The following UQCRH variants were observed in gnomAD, a reference collection of about 807,000 sequenced individuals.
UQCRH encodes the protein ubiquinol-cytochrome c reductase hinge protein, also known as cytochrome b-c1 complex subunit 6, mitochondrial.
Under a neutral mutation model 16.3 loss-of-function variants are expected in UQCRH, and 14 were observed. The ratio of observed to expected loss-of-function variants is 0.86; its 90% CI spans 0.57 to 1.34. The LOEUF (loss-of-function observed/expected upper bound fraction) is 1.34. Among genes scored for constraint, UQCRH ranks in the 40% most tolerant of loss-of-function variants. UQCRH has a pLI of 0.00. For missense variants in UQCRH, 89 were observed against 111.9 expected (o/e 0.80, Z 0.92); for synonymous variants, 41 against 41.9 (o/e 0.98, Z 0.08).
intron 1 of UQCRH, among the ~76,000 whole-genome samples, chr1:46,304,131 C>T (rs540724549): frequency 6.6e-6 from 1 of 152,256 alleles, no homozygotes; most frequent in East Asian, 1.9e-4. Context: ...GTTCTGAAGC[C>T]CGCGTTTCAC....
At chr1:46,312,913 GC>G (rs1391474222) in intron 3 of UQCRH, among the ~76,000 whole-genome samples, 1 of 151,984 alleles carries the variant, frequency 6.6e-6, no homozygotes, top group East Asian at 1.9e-4. Flanking sequence ...TATACCAACT[GC>G]CCACTAGGAT....
chr1:46,311,770 G>T (rs1197508807), intron 3 of UQCRH, among the ~76,000 whole-genome samples: 1 of 147,542 alleles, frequency 6.8e-6, no homozygotes, highest in Admixed American at 6.8e-5. Context: ...TGGTTTTTTT[G>T]TTTTTTTTTG....
At chr1:46,315,006 T>A (rs1229747799) in intron 3 of UQCRH, among the ~76,000 whole-genome samples, 2 of 152,108 alleles carry the variant, frequency 1.3e-5, no homozygotes, top group Non-Finnish European at 2.9e-5. Flanking sequence ...AAATGTACAG[T>A]TAAAAATGAT....
At chr1:46,308,261 A>G (rs1661409728) in intron 1 of UQCRH, among the ~76,000 whole-genome samples, 1 of 152,138 alleles carries the variant, frequency 6.6e-6, no homozygotes, top group Non-Finnish European at 1.5e-5. Context: ...ATTTCCTGAA[A>G]GAGAGGGATA....
chr1:46,304,417 G>A (rs1661322856), intron 1 of UQCRH, among the ~76,000 whole-genome samples: 1 of 147,514 alleles, frequency 6.8e-6, no homozygotes, highest in Non-Finnish European at 1.5e-5. Context: ...ATGGAATCTC[G>A]CTCTGTCGCC....
At position 46,310,034 on chromosome 1, in the gene UQCRH, C is replaced by T. The variant is rs972711195; in HGVS notation, c.82-121C>T. On this transcript the variant is annotated intron_variant, in intron 2 of 3. Coordinates refer to ENST00000311672, the MANE Select transcript of UQCRH (RefSeq NM_006004.4). ...GCGGCAGTGTGGCTCTGCCAGCTGG[C>T]CTTCTGCACGGTAATTCAGAGGCAG... The T allele has an allele frequency of 4.6e-6, 7 of 1,534,816 alleles. No homozygotes were observed. The African/African-American group carries it at 6.8e-5, about 15-fold the overall frequency.
intron 3 of UQCRH, among the ~76,000 whole-genome samples, chr1:46,312,223 G>C (rs970104016): frequency 2.6e-5 from 4 of 151,780 alleles, no homozygotes; most frequent in African/African-American, 9.7e-5. Context: ...AGCCTCCCAA[G>C]TAACTGGGAT....
chr1:46,306,382 T>C (rs995430986), intron 1 of UQCRH, among the ~76,000 whole-genome samples: 1 of 141,714 alleles, frequency 7.1e-6, no homozygotes, highest in Non-Finnish European at 1.5e-5. Flanking sequence ...CTTTTTCAGT[T>C]TTTTTTTTTT....
chr1:46,311,087 AAATAAT>A lies in UQCRH; in HGVS notation c.243+784_243+789del, dbSNP rs1164301987. On this transcript the variant is annotated intron_variant, in intron 3 of 3. Transcript: ENST00000311672. ...GAGACTCCATCTCAAAAAAAAAAAAAAATAATAATAATAATAATCTTGCCTAATCCT... is the reference window on the plus strand; with the variant it reads ...GAGACTCCATCTCAAAAAAAAAAAAAAATAATAATAATCTTGCCTAATCCT... 4.2e-5 allele frequency among the ~76,000 whole-genome samples: 6 copies of A among 144,452 alleles called. No individual in the cohort carries two copies. In the East Asian group the frequency reaches 6.2e-4, roughly 15 times the overall value. The allele number at this position is 144,452 out of a possible 152,430, so 94.8% of individuals were successfully genotyped here. A position where few individuals can be genotyped will look rare whatever the true frequency, so the allele number is the denominator to read the frequency against.
chr1:46,314,814 A>G (rs1490810291), intron 3 of UQCRH, among the ~76,000 whole-genome samples: 3 of 148,952 alleles, frequency 2.0e-5, no homozygotes, highest in East Asian at 4.0e-4. Flanking sequence ...AGTCACATTC[A>G]TAGAGACAGA....
rs1661304443 is a variant in UQCRH at position 46,303,805 on chromosome 1, C to T, written c.39C>T (p.Ser13=). ...LEDEQKMLTE[S]GDPEEEEEEE... ...ACGAGCAAAAGATGCTTACCGAATC[C>T]GGAGATCCTGAGGAGGTAAGGCAAG... The change falls in exon 1 of 4, where the codon TCC becomes TCT. Residue 13 remains serine, a synonymous_variant. Coordinates refer to ENST00000311672, the MANE Select transcript of UQCRH (RefSeq NM_006004.4). The T allele has an allele frequency of 1.9e-6, 3 of 1,614,156 alleles. No homozygotes were observed. The highest frequency in any genetic ancestry group is 1.7e-6 in the Non-Finnish European group (2 of 1,180,020).
chr1:46,309,824 G>A (rs1372312405), intron 2 of UQCRH: 1 of 1,258,472 alleles, frequency 7.9e-7, no homozygotes, highest in African/African-American at 1.5e-5. Flanking sequence ...CCAAAATGCT[G>A]TGTTAACAAG....
chr1:46,303,726 C>A lies in UQCRH; in HGVS notation c.-41C>A. 4 of 1,613,978 alleles carry A rather than the reference C, an allele frequency of 2.5e-6. No individual in the cohort carries two copies. In the South Asian group the frequency reaches 3.3e-5, roughly 13 times the overall value. The stretch of plus-strand genomic sequence containing the variant: ...CTTGATCCTGAACTGGGTTAGGTGC[C>A]GCTGTTGCTGCTCGTGTTGAATCTA... On this transcript the variant is annotated 5_prime_UTR_variant, in exon 1 of 4. Transcript: ENST00000311672.
At chr1:46,309,825 T>C in intron 2 of UQCRH, 2 of 1,260,732 alleles carry the variant, frequency 1.6e-6, no homozygotes, top group Non-Finnish European at 2.0e-6. Flanking sequence ...CAAAATGCTG[T>C]GTTAACAAGT....
In UQCRH at chr1:46,303,739, C is replaced by A. The variant is rs775833967; in HGVS notation, c.-28C>A. ...TGGGTTAGGTGCCGCTGTTGCTGCT[C>A]GTGTTGAATCTAGAACCGTAGCCAG... is the stretch of plus-strand genomic sequence containing the variant. On this transcript the variant is annotated 5_prime_UTR_variant, in exon 1 of 4. Transcript: ENST00000311672. 1 of 1,613,966 alleles carries A rather than the reference C, an allele frequency of 6.2e-7. No individual in the cohort carries two copies. Among genetic ancestry groups the A allele is most frequent in the African/African-American group, 1.3e-5 (1 of 74,920 alleles).
At chr1:46,310,094 A>G (rs1458382078) in intron 2 of UQCRH, 61 bp from the exon 3 acceptor site, 4 of 1,609,278 alleles carry the variant, frequency 2.5e-6, no homozygotes, top group East Asian at 4.5e-5. Context: ...ATCAAAGCAT[A>G]TGTGTTTGGT....
At chr1:46,310,846 T>G (rs1292618075) in intron 3 of UQCRH, among the ~76,000 whole-genome samples, 1 of 151,182 alleles carries the variant, frequency 6.6e-6, no homozygotes, top group Non-Finnish European at 1.5e-5. Flanking sequence ...GGCGGGTGGA[T>G]CATGAGGTCA....
chr1:46,315,238 A>G (rs937157659), intron 3 of UQCRH, among the ~76,000 whole-genome samples: 4 of 152,214 alleles, frequency 2.6e-5, no homozygotes, highest in Non-Finnish European at 5.9e-5. Context: ...TGAGGTCGGG[A>G]GTTCGAGACC....
At chr1:46,305,559 C>A (rs1319097936) in intron 1 of UQCRH, among the ~76,000 whole-genome samples, 1 of 151,212 alleles carries the variant, frequency 6.6e-6, no homozygotes, top group African/African-American at 2.4e-5. Context: ...TCCAAACCAT[C>A]CTGGCTAACA....
Sources: gnomAD v4.1 joint callset for allele counts (sites outside exome capture counted in the v4.1 genomes callset) on GRCh38, gnomAD v4.1.1 for gene constraint, MANE v1.5 for transcripts, NCBI Gene and HGNC (gene_info 2026-07-23, HGNC 2026-07-21) for gene names.